PNLIPRP3: variants seen among roughly 807,000 people sequenced by gnomAD.
PNLIPRP3 encodes the protein pancreatic lipase related protein 3, also known as pancreatic lipase-related protein 3.
PNLIPRP3 carries 58 observed loss-of-function variants against 52.8 expected under a neutral mutation model. The observed-to-expected ratio is 1.10, with a 90% CI of 0.89 to 1.37. The LOEUF is 1.37. Ranked by LOEUF, PNLIPRP3 falls within the 40% of genes most tolerant of loss-of-function variation. The pLI, the probability that PNLIPRP3 is intolerant of heterozygous loss-of-function variation, is 0.00. For missense variants in PNLIPRP3, 593 were observed against 561.6 expected, an observed-to-expected ratio of 1.06 and a Z score of -0.57; for synonymous variants, 192 against 185.0, an observed-to-expected ratio of 1.04 and a Z score of -0.31.
chr10:116,446,807 G>C (rs1845960267), intron 4 of PNLIPRP3, among the ~76,000 whole-genome samples: 1 of 152,142 alleles, frequency 6.6e-6, no homozygotes, highest in Non-Finnish European at 1.5e-5. Context: ...ATACCTTCTT[G>C]TCTTAACTTC....
chr10:116,435,458 A>G (rs1478584601), intron 1 of PNLIPRP3, among the ~76,000 whole-genome samples: 2 of 145,050 alleles, frequency 1.4e-5, no homozygotes, highest in Non-Finnish European at 3.1e-5. Context: ...AAAAAAAAAA[A>G]CCAACCAAAC....
intron 2 of PNLIPRP3, among the ~76,000 whole-genome samples, chr10:116,437,936 A>C (rs762593005): frequency 6.6e-6 from 1 of 152,186 alleles, no homozygotes; most frequent in East Asian, 1.9e-4. Flanking sequence ...ATAGAAAGCT[A>C]TAGTGCAGTT....
intron 7 of PNLIPRP3, among the ~76,000 whole-genome samples, chr10:116,465,428 G>T (rs1434250350): frequency 2.6e-5 from 4 of 151,934 alleles, no homozygotes. Flanking sequence ...CCAGCTACTC[G>T]GGAGGCTGAG....
intron 5 of PNLIPRP3, among the ~76,000 whole-genome samples, chr10:116,456,461 CT>C (rs1269360442): frequency 1.3e-5 from 2 of 152,072 alleles, no homozygotes; most frequent in Non-Finnish European, 2.9e-5. Context: ...ATATGGACAA[CT>C]ATTATATATC....
intron 9 of PNLIPRP3, among the ~76,000 whole-genome samples, chr10:116,471,122 T>G (rs1489627949): frequency 6.6e-6 from 1 of 152,208 alleles, no homozygotes; most frequent in Non-Finnish European, 1.5e-5. Context: ...TTGCATTTTT[T>G]CAGTTTGTTA....
rs373999631 is a variant in PNLIPRP3, at chr10:116,461,010, G to A, written c.610G>A (p.Val204Ile). Residue 204 changes from valine to isoleucine, a missense_variant, in exon 6 of 12, where the codon GTC becomes ATC. By Grantham distance (29) the Val-to-Ile change is conservative. Coordinates refer to ENST00000369230, the MANE Select transcript of PNLIPRP3 (RefSeq NM_001011709.3). ...GPFFHNTPKE[V>I]RLDPSDANFV... Reference sequence around the variant, plus strand: ...ATTTTTCCACAACACTCCAAAGGAAGTCAGGCTAGACCCCTCGGATGCCAA... The same window carrying A: ...ATTTTTCCACAACACTCCAAAGGAAATCAGGCTAGACCCCTCGGATGCCAA... The A allele has an allele frequency of 6.2e-7, 1 of 1,613,258 alleles. No individual in the cohort carries two copies. Among genetic ancestry groups the A allele is most frequent in the African/African-American group, 1.3e-5 (1 of 74,942 alleles).
At chr10:116,476,352 G>C (rs1461333685) in intron 10 of PNLIPRP3, among the ~76,000 whole-genome samples, 1 of 152,074 alleles carries the variant, frequency 6.6e-6, no homozygotes, top group Non-Finnish European at 1.5e-5. Context: ...GTATAATCTG[G>C]TTTCTGATAC....
chr10:116,446,294 C>T (rs945389111), intron 4 of PNLIPRP3, among the ~76,000 whole-genome samples: 19 of 136,922 alleles, frequency 1.4e-4, no homozygotes, highest in Admixed American at 6.8e-4. Flanking sequence ...TGCAGTAAGC[C>T]GAGATGGCGC....
Position 116,450,887 on chromosome 10 carries a change from C to G in PNLIPRP3, c.457-4835C>G, listed in dbSNP as rs986380118. Among the ~76,000 whole-genome samples, 5 of 148,134 alleles carry G rather than the reference C, an allele frequency of 3.4e-5. No homozygotes were observed. The East Asian group carries it at 9.9e-4, about 29-fold the overall frequency. On this transcript the variant is annotated intron_variant, in intron 4 of 11. Coordinates refer to ENST00000369230, the MANE Select transcript of PNLIPRP3 (RefSeq NM_001011709.3). ...TACCCAAAGCTATCTACAGATTCAACGTAATACCTATCAAAATTCCAGTGG... is the reference window on the plus strand; with the variant it reads ...TACCCAAAGCTATCTACAGATTCAAGGTAATACCTATCAAAATTCCAGTGG...
chr10:116,460,843 T>C, intron 5 of PNLIPRP3, 123 bp from the exon 6 acceptor site: 1 of 1,324,562 alleles, frequency 7.5e-7, no homozygotes, highest in Non-Finnish European at 1.0e-6. Context: ...GTTATGTATC[T>C]GTACTTTTTC....
In PNLIPRP3 at chr10:116,443,363, A is replaced by G. The variant is rs182129680; in HGVS notation, c.324+189A>G. Among the ~76,000 whole-genome samples, 272 of 152,230 alleles carry G rather than the reference A, an allele frequency of 1.8e-3. 1 individual carries two copies. Among genetic ancestry groups the G allele is most frequent in the African/African-American group, 6.4e-3 (265 of 41,536 alleles). ...TTTTATTATAAATTGCACAGATTACAAGGGAAGCAAATTTGTATAATCACT... is the reference window on the plus strand; with the variant it reads ...TTTTATTATAAATTGCACAGATTACGAGGGAAGCAAATTTGTATAATCACT... On this transcript the variant is annotated intron_variant, in intron 3 of 11. Transcript: ENST00000369230.
chr10:116,439,444 A>T, intron 2 of PNLIPRP3: 1 of 639,840 alleles, frequency 1.6e-6, no homozygotes, highest in Non-Finnish European at 2.8e-6. Context: ...AAGGAGACAG[A>T]TAAATAGTTT....
At chr10:116,468,974 C>A (rs1445393286) in intron 8 of PNLIPRP3, among the ~76,000 whole-genome samples, 1 of 152,186 alleles carries the variant, frequency 6.6e-6, no homozygotes, top group African/African-American at 2.4e-5. Flanking sequence ...ATATCATCTA[C>A]CCATTTTTCT....
chr10:116,459,817 G>C (rs1013087194), intron 5 of PNLIPRP3, among the ~76,000 whole-genome samples: 8 of 152,034 alleles, frequency 5.3e-5, no homozygotes, highest in Admixed American at 3.9e-4. Context: ...ACCCAGGCTA[G>C]AGTGCAGTCG....
rs767081875 is a variant in PNLIPRP3, at chr10:116,471,887, G to A, written c.1172+8G>A. 6.5e-7 allele frequency: 1 copy of A among 1,540,750 alleles called. No individual in the cohort carries two copies. The highest frequency in any genetic ancestry group is 1.7e-5 in the Admixed American group (1 of 59,412). On this transcript the variant is annotated splice_region_variant and intron_variant, in intron 10 of 11. Coordinates refer to ENST00000369230, the MANE Select transcript of PNLIPRP3 (RefSeq NM_001011709.3). ...GGAGTTTGCCATTGTCAGGTAGGCAGAGTGAGAAACTGACGCTTTGCACAG... is the reference window on the plus strand; with the variant it reads ...GGAGTTTGCCATTGTCAGGTAGGCAAAGTGAGAAACTGACGCTTTGCACAG...
At chr10:116,442,041 C>T (rs1034276321) in intron 2 of PNLIPRP3, among the ~76,000 whole-genome samples, 2 of 152,118 alleles carry the variant, frequency 1.3e-5, no homozygotes, top group African/African-American at 4.8e-5. Context: ...GAAATAGGCT[C>T]TTTGTTTGAA....
At chr10:116,457,611 T>C (rs2133139250) in intron 5 of PNLIPRP3, among the ~76,000 whole-genome samples, 1 of 152,218 alleles carries the variant, frequency 6.6e-6, no homozygotes, top group East Asian at 1.9e-4. Context: ...ACTGAACTTT[T>C]TCACTGAAGT....
intron 2 of PNLIPRP3, 129 bp downstream of exon 2, chr10:116,436,994 C>A: frequency 2.1e-6 from 2 of 970,530 alleles, no homozygotes; most frequent in Non-Finnish European, 2.9e-6. Flanking sequence ...CATTTCTTTT[C>A]AGTATTATGA....
At chr10:116,447,408 TAAAG>T (rs1564697031) in intron 4 of PNLIPRP3, among the ~76,000 whole-genome samples, 1 of 151,970 alleles carries the variant, frequency 6.6e-6, no homozygotes, top group East Asian at 1.9e-4. Context: ...AATACCAACA[TAAAG>T]AGTCAAGGAA....
Sources: gnomAD v4.1 joint callset for allele counts (sites outside exome capture counted in the v4.1 genomes callset) on GRCh38, gnomAD v4.1.1 for gene constraint, MANE v1.5 for transcripts, NCBI Gene and HGNC (gene_info 2026-07-23, HGNC 2026-07-21) for gene names.